Variants in GABRG3 observed in about 807,000 individuals in gnomAD.
The protein encoded by GABRG3 is gamma-aminobutyric acid receptor subunit gamma-3.
In GABRG3, 25 loss-of-function variants were observed where a neutral mutation model predicts 48.8. The observed-to-expected ratio is 0.51, with a 90% CI of 0.37 to 0.72. The LOEUF (loss-of-function observed/expected upper bound fraction) is 0.72. GABRG3 is among the 30% of genes least tolerant of loss of function. GABRG3 has a pLI of 0.00. For synonymous variants in GABRG3, 227 were observed against 217.6 expected (o/e 1.04, Z -0.38); for missense variants, 394 against 577.9 (o/e 0.68, Z 3.26).
chr15:27,145,603 C>CTCTATCTATCTATCATCTATCTA (rs1555405980), intron 3 of GABRG3, among the ~76,000 whole-genome samples: 1 of 102,298 alleles, frequency 9.8e-6, no homozygotes. Context: ...ATATATCTAT[C>CTCTATCTATCTATCATCTATCTA]TCTATCTATC....
intron 5 of GABRG3, among the ~76,000 whole-genome samples, chr15:27,372,750 T>C (rs985304396): frequency 6.6e-6 from 1 of 152,142 alleles, no homozygotes; most frequent in Non-Finnish European, 1.5e-5. Flanking sequence ...GTTTCAATGG[T>C]CCAGCTCAAA....
chr15:27,480,966 G>T (rs1271429406), intron 6 of GABRG3, 179 bp downstream of exon 6: 1 of 1,385,540 alleles, frequency 7.2e-7, no homozygotes, highest in Non-Finnish European at 9.3e-7. Flanking sequence ...ATGGGAGAGG[G>T]ATGTTAGAAA....
At chr15:27,501,173 G>A (rs8034554) in intron 6 of GABRG3, among the ~76,000 whole-genome samples, 1,654 of 152,142 alleles carry the variant, frequency 0.011, 36 homozygotes, top group African/African-American at 0.037. Flanking sequence ...GGATGGTCTC[G>A]ATCTCCTGAC....
chr15:27,396,735 C>T (rs1359826854), intron 5 of GABRG3, among the ~76,000 whole-genome samples: 1 of 152,164 alleles, frequency 6.6e-6, no homozygotes, highest in African/African-American at 2.4e-5. Flanking sequence ...GCCCTCCAGA[C>T]TTCCTTCAAC....
chr15:27,352,899 A>G lies in GABRG3; in HGVS notation c.574+24011A>G, dbSNP rs115465947. On this transcript the variant is annotated intron_variant, in intron 5 of 9. Coordinates refer to ENST00000615808, the MANE Select transcript of GABRG3 (RefSeq NM_033223.5). This position sits in a 1 kb window ranked among gnomAD's most constrained non-coding sequence, Gnocchi z 4.0. ...TCACTTGGTAAGTCATTGCATCTGCATTATCTTATCATCACGATTGCTGAC... is the reference window on the plus strand; with the variant it reads ...TCACTTGGTAAGTCATTGCATCTGCGTTATCTTATCATCACGATTGCTGAC... Among the ~76,000 whole-genome samples the G allele has an allele frequency of 6.6e-6, 1 of 152,136 alleles. No individual in the cohort carries two copies. Among genetic ancestry groups the G allele is most frequent in the Admixed American group, 6.5e-5 (1 of 15,284 alleles).
At chr15:27,221,079 A>T (rs887225318) in intron 3 of GABRG3, among the ~76,000 whole-genome samples, 2 of 151,972 alleles carry the variant, frequency 1.3e-5, no homozygotes, top group African/African-American at 4.8e-5. Flanking sequence ...GCTCAAGCTT[A>T]TAGGATTAAT....
chr15:27,184,382 A>G (rs2140418545), intron 3 of GABRG3, among the ~76,000 whole-genome samples: 1 of 152,274 alleles, frequency 6.6e-6, no homozygotes, highest in East Asian at 1.9e-4. Context: ...GGGAGAGGGC[A>G]GAGAGTTTTT....
chr15:27,369,597 C>A (rs1895327795), intron 5 of GABRG3, among the ~76,000 whole-genome samples: 1 of 152,054 alleles, frequency 6.6e-6, no homozygotes, highest in Non-Finnish European at 1.5e-5. Flanking sequence ...GTGGGCGGAT[C>A]ATGAGGTCAG....
intron 6 of GABRG3, among the ~76,000 whole-genome samples, chr15:27,517,100 C>T (rs1222075804): frequency 1.4e-5 from 2 of 143,720 alleles, no homozygotes; most frequent in Non-Finnish European, 3.0e-5. Flanking sequence ...TGCATGCGCC[C>T]AGCACTGGGA....
At chr15:27,355,986 G>A (rs1419942945) in intron 5 of GABRG3, among the ~76,000 whole-genome samples, 1 of 152,134 alleles carries the variant, frequency 6.6e-6, no homozygotes, top group Non-Finnish European at 1.5e-5. Flanking sequence ...TACCTAAAAG[G>A]CACAGATAGG....
chr15:27,225,365 G>A (rs1383985937), intron 3 of GABRG3, among the ~76,000 whole-genome samples: 1 of 152,090 alleles, frequency 6.6e-6, no homozygotes, highest in Non-Finnish European at 1.5e-5. Flanking sequence ...AGGCAGGCAG[G>A]TAGCAGAATC....
At chr15:27,328,665 G>GT (rs1289022936) in intron 4 of GABRG3, 141 bp from the exon 5 acceptor site, 1 of 650,582 alleles carries the variant, frequency 1.5e-6, no homozygotes, top group Non-Finnish European at 2.8e-6. Context: ...ACCGTGAATG[G>GT]TTCCCGGGCC....
At chr15:26,988,979 T>G (rs1895199673) in intron 2 of GABRG3, among the ~76,000 whole-genome samples, 1 of 152,164 alleles carries the variant, frequency 6.6e-6, no homozygotes, top group African/African-American at 2.4e-5. Flanking sequence ...TTTCAGTATA[T>G]TCACAATATT....
At chr15:27,069,554 A>G (rs4456473) in intron 3 of GABRG3, among the ~76,000 whole-genome samples, 31,378 of 152,186 alleles carry the variant, frequency 0.21, 3,401 homozygotes, top group Middle Eastern at 0.27. Context: ...GTGTGCATAT[A>G]AGGGTCTGAG....
At chr15:27,509,843 G>C (rs1890855419) in intron 6 of GABRG3, among the ~76,000 whole-genome samples, 1 of 152,010 alleles carries the variant, frequency 6.6e-6, no homozygotes, top group Non-Finnish European at 1.5e-5. Context: ...TTTCCTATCT[G>C]GTTCTGTTCT....
chr15:26,999,552 C>A (rs1895406553), intron 2 of GABRG3, among the ~76,000 whole-genome samples: 1 of 152,100 alleles, frequency 6.6e-6, no homozygotes, highest in African/African-American at 2.4e-5. Flanking sequence ...TGGGTTTGAG[C>A]ATTTTGATTA....
chr15:27,332,813 T>C (rs909212850), intron 5 of GABRG3, among the ~76,000 whole-genome samples: 6 of 152,194 alleles, frequency 3.9e-5, no homozygotes, highest in Non-Finnish European at 5.9e-5. Context: ...TTCCAATATA[T>C]GCACAGAGAT....
chr15:27,425,533 C>T (rs1167113107), intron 5 of GABRG3, among the ~76,000 whole-genome samples: 3 of 151,754 alleles, frequency 2.0e-5, no homozygotes, highest in Non-Finnish European at 4.4e-5. Flanking sequence ...ATGATGTCAA[C>T]CCTGGAGGCA....
chr15:27,395,104 T>C (rs1294090391), intron 5 of GABRG3, among the ~76,000 whole-genome samples: 1 of 152,234 alleles, frequency 6.6e-6, no homozygotes, highest in African/African-American at 2.4e-5. Context: ...GTTTGTACAA[T>C]TGATGGTGTC....
Sources: allele counts gnomAD v4.1 joint callset (sites outside exome capture counted in the v4.1 genomes callset), GRCh38; gene constraint gnomAD v4.1.1; non-coding constraint Gnocchi (gnomAD v3.1); transcripts MANE v1.5; gene names NCBI Gene and HGNC (gene_info 2026-07-23, HGNC 2026-07-21).